Variants in TLE4 observed in about 807,000 individuals in gnomAD.
The protein encoded by TLE4 is TLE family member 4, transcriptional corepressor, also known as transducin-like enhancer protein 4.
Under a neutral mutation model 92.8 loss-of-function variants are expected in TLE4, and 8 were observed. That is an observed-to-expected ratio of 0.09 (90% CI 0.05 to 0.16). The LOEUF (loss-of-function observed/expected upper bound fraction) is 0.16, where lower values mean the gene tolerates loss of function less well. TLE4 is among the 10% of genes least tolerant of loss of function. The pLI is 1.00. For synonymous variants in TLE4, 371 were observed against 374.1 expected, an observed-to-expected ratio of 0.99 and a Z score of 0.10; for missense variants, 675 against 997.6, an observed-to-expected ratio of 0.68 and a Z score of 4.36.
intron 8 of TLE4, among the ~76,000 whole-genome samples, chr9:79,681,796 G>C (rs2064680483): frequency 6.7e-6 from 1 of 150,124 alleles, no homozygotes; most frequent in Non-Finnish European, 1.5e-5. Context: ...GAGAGGGAGA[G>C]AGGGAGACAG....
At chr9:79,578,999 A>G (rs1459581384) in intron 4 of TLE4, among the ~76,000 whole-genome samples, 5 of 152,024 alleles carry the variant, frequency 3.3e-5, no homozygotes, top group Non-Finnish European at 7.4e-5. Context: ...ATGCTGTGCC[A>G]TTGTCTCAAG....
intron 1 of TLE4, chr9:79,573,329 G>A: frequency 1.9e-6 from 2 of 1,073,964 alleles, no homozygotes; most frequent in Non-Finnish European, 1.1e-6. Context: ...GCAGCCCGAC[G>A]CCATGGCGCG....
intron 4 of TLE4, among the ~76,000 whole-genome samples, chr9:79,586,492 C>G (rs1391686645): frequency 6.6e-6 from 1 of 152,074 alleles, no homozygotes; most frequent in African/African-American, 2.4e-5. Flanking sequence ...GTAATTAGCT[C>G]CGGGGGTTAC....
intron 8 of TLE4, among the ~76,000 whole-genome samples, chr9:79,673,470 T>G (rs991348887): frequency 1.3e-5 from 2 of 152,220 alleles, no homozygotes; most frequent in African/African-American, 4.8e-5. Context: ...GGAATTCATA[T>G]AGGCAATTGG....
At chr9:79,707,992 C>A (rs1234600700) in intron 11 of TLE4, 126 bp from the exon 12 acceptor site, 4 of 962,518 alleles carry the variant, frequency 4.2e-6, no homozygotes, top group Non-Finnish European at 4.6e-6. Context: ...TAAAGAAAAT[C>A]AAGGCCCAAG....
At chr9:79,647,386 A>G (rs1389599079) in intron 6 of TLE4, among the ~76,000 whole-genome samples, 1 of 152,216 alleles carries the variant, frequency 6.6e-6, no homozygotes, top group Admixed American at 6.5e-5. Context: ...ATAATTCATA[A>G]TTAGGAATTT....
At chr9:79,574,840 C>G in intron 2 of TLE4, 33 bp from the exon 3 acceptor site, 1 of 1,579,952 alleles carries the variant, frequency 6.3e-7, no homozygotes, top group South Asian at 1.1e-5. Context: ...AAGTTAAGAT[C>G]ATTGTACTTA....
chr9:79,631,628 G>GTA (rs1331769063), intron 6 of TLE4, among the ~76,000 whole-genome samples: 2 of 144,586 alleles, frequency 1.4e-5, no homozygotes, highest in Non-Finnish European at 3.0e-5. Flanking sequence ...GTGTGTGTGT[G>GTA]TGTGTGTGTG....
intron 8 of TLE4, among the ~76,000 whole-genome samples, chr9:79,688,394 C>A (rs1484828301): frequency 6.6e-6 from 1 of 151,992 alleles, no homozygotes; most frequent in Non-Finnish European, 1.5e-5. Context: ...TGTCTCAATT[C>A]TTTTGCTTTA....
intron 8 of TLE4, among the ~76,000 whole-genome samples, chr9:79,689,993 AT>A (rs1365821236): frequency 6.6e-6 from 1 of 152,146 alleles, no homozygotes; most frequent in East Asian, 1.9e-4. Context: ...GGTGATTCTT[AT>A]CCCCTGACAG....
chr9:79,667,025 G>A (rs889469274), intron 8 of TLE4, among the ~76,000 whole-genome samples: 3 of 152,160 alleles, frequency 2.0e-5, no homozygotes, highest in Admixed American at 6.6e-5. Flanking sequence ...TAACCACGTG[G>A]GTCCTCACGT....
At position 79,632,255 on chromosome 9, in the gene TLE4, C is replaced by T. The variant is rs963732888; in HGVS notation, c.390+4807C>T. ...GAAACAGAGTTAGTGGAATGCTCCC[C>T]GCATTCTCTGGGGGAGACACCTGTA... On this transcript the variant is annotated intron_variant, in intron 6 of 19. Coordinates refer to ENST00000376552, the MANE Select transcript of TLE4 (RefSeq NM_007005.6). 8.5e-5 allele frequency among the ~76,000 whole-genome samples: 13 copies of T among 152,178 alleles called. 1 individual carries two copies. Among genetic ancestry groups the T allele is most frequent in the South Asian group, 4.1e-4 (2 of 4,828 alleles).
intron 4 of TLE4, among the ~76,000 whole-genome samples, chr9:79,592,900 A>C (rs1375088418): frequency 6.6e-6 from 1 of 152,228 alleles, no homozygotes; most frequent in African/African-American, 2.4e-5. Flanking sequence ...ACTGTGTTTC[A>C]AAAGAAATAA....
intron 1 of TLE4, 114 bp downstream of exon 1, chr9:79,572,949 TCGGCGCCCCGCG>T (rs1298655871): frequency 8.6e-7 from 1 of 1,162,450 alleles, no homozygotes; most frequent in Non-Finnish European, 1.2e-6. Context: ...CCGCCCGAAA[TCGGCGCCCCGCG>T]CCGGGAGCAG....
At chr9:79,590,583 C>T (rs1249419124) in intron 4 of TLE4, among the ~76,000 whole-genome samples, 1 of 152,128 alleles carries the variant, frequency 6.6e-6, no homozygotes, top group Non-Finnish European at 1.5e-5. Context: ...CTAGGAGGCT[C>T]ATAGTAAAGA....
At chr9:79,578,859 G>A (rs1230748334) in intron 4 of TLE4, among the ~76,000 whole-genome samples, 1 of 149,494 alleles carries the variant, frequency 6.7e-6, no homozygotes, top group African/African-American at 2.5e-5. Context: ...GGGGAACTTG[G>A]TGATATGACG....
chr9:79,648,818 A>T (rs114772217), intron 6 of TLE4, among the ~76,000 whole-genome samples: 8 of 152,320 alleles, frequency 5.3e-5, no homozygotes, highest in South Asian at 2.1e-4. Flanking sequence ...TTTCCAGGTA[A>T]TGCTGGACTT....
intron 6 of TLE4, among the ~76,000 whole-genome samples, chr9:79,651,844 A>T (rs2059049075): frequency 6.6e-6 from 1 of 152,144 alleles, no homozygotes; most frequent in East Asian, 1.9e-4. Context: ...ATTGTTTAAC[A>T]CTAATTTTCT....
rs896685500 is a variant in TLE4 at position 79,640,546 on chromosome 9, T to G, written c.391-12047T>G. 5.3e-5 allele frequency among the ~76,000 whole-genome samples: 8 copies of G among 152,140 alleles called. No homozygotes were observed. In the South Asian group the frequency reaches 1.2e-3, roughly 24 times the overall value. ...TCTTCTGCCCCATCTGAGTAAATGG[T>G]ACAACTATCTACCTAGTTACTTATG... On this transcript the variant is annotated intron_variant, in intron 6 of 19. Coordinates refer to ENST00000376552, the MANE Select transcript of TLE4 (RefSeq NM_007005.6).
Sources: gnomAD v4.1 joint callset for allele counts (sites outside exome capture counted in the v4.1 genomes callset) on GRCh38, gnomAD v4.1.1 for gene constraint, MANE v1.5 for transcripts, NCBI Gene and HGNC (gene_info 2026-07-23, HGNC 2026-07-21) for gene names.